HIPK2: variants seen among roughly 807,000 people sequenced by gnomAD.
HIPK2 encodes the protein homeodomain interacting protein kinase 2, also known as homeodomain-interacting protein kinase 2.
A neutral mutation model predicts 113.7 loss-of-function variants in HIPK2; 27 were observed. The observed-to-expected ratio is 0.24, with a 90% CI of 0.17 to 0.33. The LOEUF is 0.33. HIPK2 is among the 10% of genes least tolerant of loss of function. The pLI is 1.00. For missense variants in HIPK2, 1,257 were observed against 1,588.0 expected (o/e 0.79, Z 3.54); for synonymous variants, 631 against 642.2 (o/e 0.98, Z 0.26).
At chr7:139,578,122 G>A (rs1339925556) in intron 13 of HIPK2, among the ~76,000 whole-genome samples, 1 of 152,132 alleles carries the variant, frequency 6.6e-6, no homozygotes, top group Non-Finnish European at 1.5e-5. Flanking sequence ...TGATTCTCCT[G>A]CCTCAGCCTC....
At chr7:139,615,702 G>T (rs546323482) in intron 7 of HIPK2, among the ~76,000 whole-genome samples, 47 of 152,328 alleles carry the variant, frequency 3.1e-4, no homozygotes, top group African/African-American at 1.1e-3. Flanking sequence ...GACACAAATA[G>T]AATTTCAAGT....
At position 139,582,803 on chromosome 7, in the gene HIPK2, C is replaced by T. The variant is rs559533721; in HGVS notation, c.2965+1014G>A. On this transcript the variant is annotated intron_variant, in intron 13 of 14. Coordinates refer to ENST00000406875, the MANE Select transcript of HIPK2 (RefSeq NM_022740.5). ...AGCGTGCCAGGGCTCTGACCCTCAC[C>T]GTGCAGGCTGGCCTGAGGCACTGGG... Among the ~76,000 whole-genome samples, 6 of 152,338 alleles carry T rather than the reference C, an allele frequency of 3.9e-5. No homozygotes were observed. In the South Asian group the frequency reaches 1.2e-3, roughly 32 times the overall value.
At chr7:139,605,882 G>A (rs140069703) in intron 9 of HIPK2, among the ~76,000 whole-genome samples, 1 of 152,314 alleles carries the variant, frequency 6.6e-6, no homozygotes, top group Non-Finnish European at 1.5e-5. Context: ...GATTAAAACA[G>A]TTGCAAATTC....
At chr7:139,720,340 C>G (rs536889610) in intron 1 of HIPK2, among the ~76,000 whole-genome samples, 1 of 152,322 alleles carries the variant, frequency 6.6e-6, no homozygotes, top group African/African-American at 2.4e-5. Flanking sequence ...CATCCAGCAC[C>G]TGATTGGAGC....
chr7:139,702,387 G>C (rs1794735448), intron 2 of HIPK2, among the ~76,000 whole-genome samples: 1 of 152,192 alleles, frequency 6.6e-6, no homozygotes, highest in African/African-American at 2.4e-5. Context: ...TGTGGCCTTG[G>C]GCCACAGCCC....
intron 7 of HIPK2, among the ~76,000 whole-genome samples, chr7:139,618,576 A>C (rs1057141524): frequency 1.5e-4 from 23 of 152,186 alleles, no homozygotes; most frequent in African/African-American, 5.5e-4. Context: ...TTTGATGAGC[A>C]ACCCTTTTAG....
chr7:139,770,227 C>T (rs575620971), intron 1 of HIPK2, among the ~76,000 whole-genome samples: 2 of 152,332 alleles, frequency 1.3e-5, no homozygotes, highest in South Asian at 4.1e-4. Flanking sequence ...TAAAAGAACA[C>T]ATTTCCACAA....
chr7:139,763,554 G>A lies in HIPK2; in HGVS notation c.19+14051C>T, dbSNP rs113045816. 2.2e-3 allele frequency among the ~76,000 whole-genome samples: 313 copies of A among 142,302 alleles called. 1 individual carries two copies. The highest frequency in any genetic ancestry group is 7.7e-3 in the African/African-American group (294 of 37,988). 93.4% of individuals were successfully genotyped at this position (142,302 alleles called of 152,430 possible). A position where few individuals can be genotyped will look rare whatever the true frequency, so the allele number is the denominator to read the frequency against. On this transcript the variant is annotated intron_variant, in intron 1 of 14. Transcript: ENST00000406875. ...GCTTTCACTCTACAACTTCAGTAAC[G>A]GCGGCAGAGACCAGATGGCCTGCAA...
chr7:139,695,253 C>T (rs1286103425), intron 2 of HIPK2, among the ~76,000 whole-genome samples: 3 of 152,326 alleles, frequency 2.0e-5, no homozygotes, highest in East Asian at 3.9e-4. Flanking sequence ...GCTTGCGGGC[C>T]GATTCCCAGG....
At chr7:139,719,225 G>A (rs1222987103) in intron 1 of HIPK2, among the ~76,000 whole-genome samples, 3 of 151,932 alleles carry the variant, frequency 2.0e-5, no homozygotes, top group South Asian at 2.1e-4. Flanking sequence ...TGCAACCTCC[G>A]CCTCCTGAGT....
intron 2 of HIPK2, among the ~76,000 whole-genome samples, chr7:139,663,115 C>G (rs1217791595): frequency 6.6e-6 from 1 of 152,180 alleles, no homozygotes; most frequent in East Asian, 1.9e-4. Context: ...TTCCCTCAGC[C>G]CAGGAACTCT....
At chr7:139,739,990 C>T (rs10952537) in intron 1 of HIPK2, among the ~76,000 whole-genome samples, 25,739 of 152,136 alleles carry the variant, frequency 0.17, 4,521 homozygotes, top group African/African-American at 0.43. Context: ...TTCTCCTTTT[C>T]GCTGCGATGC....
rs118080680 is a variant in HIPK2 at position 139,643,695 on chromosome 7, T to C, written c.1104-11970A>G. Among the ~76,000 whole-genome samples, 796 of 152,156 alleles carry C rather than the reference T, an allele frequency of 5.2e-3. 4 individuals carry two copies. Among genetic ancestry groups the C allele is most frequent in the Non-Finnish European group, 8.2e-3 (558 of 67,998 alleles). ...CCACCTAAACGATATTGACTTGACT[T>C]GGTGAAATAAGAAAAGCAAGAAGGG... On this transcript the variant is annotated intron_variant, in intron 2 of 14. Coordinates refer to ENST00000406875, the MANE Select transcript of HIPK2 (RefSeq NM_022740.5).
At chr7:139,696,564 C>A (rs1021546064) in intron 2 of HIPK2, among the ~76,000 whole-genome samples, 16 of 137,944 alleles carry the variant, frequency 1.2e-4, no homozygotes, top group African/African-American at 4.4e-4. Flanking sequence ...GCCAGGGTGA[C>A]TGAATGAGAC....
intron 2 of HIPK2, among the ~76,000 whole-genome samples, chr7:139,643,501 A>G (rs1801101759): frequency 6.6e-6 from 1 of 152,134 alleles, no homozygotes; most frequent in South Asian, 2.1e-4. Flanking sequence ...GCCAGAGGAG[A>G]AGGTTGCATC....
chr7:139,584,983 ACTT>A (rs1798788897), intron 12 of HIPK2, among the ~76,000 whole-genome samples: 1 of 152,220 alleles, frequency 6.6e-6, no homozygotes, highest in African/African-American at 2.4e-5. Context: ...TTTGGGAACT[ACTT>A]CTGTTTGTCT....
chr7:139,716,668 G>C lies in HIPK2; in HGVS notation c.367C>G (p.Leu123Val). 7 of 1,613,948 alleles carry C rather than the reference G, an allele frequency of 4.3e-6. No individual in the cohort carries two copies. Among genetic ancestry groups the C allele is most frequent in the Non-Finnish European group, 5.9e-6 (7 of 1,179,874 alleles). ...NLMRRSTVSL[L>V]DTYQKCGLKR... is the part of the protein sequence containing the mutation. The stretch of plus-strand genomic sequence containing the variant: ...AGTCCACATTTTTGGTAGGTATCAA[G>C]GAGGCTCACAGTGCTTCGACGCATT... The change falls in exon 2 of 15, where the codon CTT (leucine) becomes GTT (valine). Residue 123 changes from leucine (L) to valine (V), a missense_variant. Physicochemically the swap from Leu to Val is conservative, Grantham distance 32. Coordinates refer to ENST00000406875, the MANE Select transcript of HIPK2 (RefSeq NM_022740.5). This position sits in a 1 kb window ranked among gnomAD's most constrained non-coding sequence, Gnocchi z 9.3.
chr7:139,694,698 G>A (rs1348395712), intron 2 of HIPK2, among the ~76,000 whole-genome samples: 2 of 152,166 alleles, frequency 1.3e-5, no homozygotes, highest in African/African-American at 4.8e-5. Flanking sequence ...GATAAATGGG[G>A]GAGGTAGTGT....
chr7:139,682,521 G>C (rs1802741143), intron 2 of HIPK2, among the ~76,000 whole-genome samples: 1 of 152,146 alleles, frequency 6.6e-6, no homozygotes, highest in South Asian at 2.1e-4. Flanking sequence ...CCCTCCCGCT[G>C]CGTGCCTGTG....
Sources: allele counts gnomAD v4.1 joint callset (sites outside exome capture counted in the v4.1 genomes callset), GRCh38; gene constraint gnomAD v4.1.1; non-coding constraint Gnocchi (gnomAD v3.1); transcripts MANE v1.5; gene names NCBI Gene and HGNC (gene_info 2026-07-23, HGNC 2026-07-21).